Variants in PARPBP observed in about 807,000 individuals in gnomAD.
PARPBP encodes the protein PARP1 binding protein, also known as PCNA-interacting partner.
In PARPBP, 52 loss-of-function variants were observed where a neutral mutation model predicts 50.0. The ratio of observed to expected loss-of-function variants is 1.04; its 90% CI spans 0.83 to 1.31. PARPBP has a LOEUF of 1.31. Among genes scored for constraint, PARPBP ranks in the 50% most tolerant of loss-of-function variants. The pLI, the probability that PARPBP is intolerant of heterozygous loss-of-function variation, is 0.00. For synonymous variants in PARPBP, 244 were observed against 232.1 expected (o/e 1.05, Z -0.47); for missense variants, 697 against 672.0 (o/e 1.04, Z -0.41).
At chr12:102,178,150 A>G (rs886654520) in intron 7 of PARPBP, among the ~76,000 whole-genome samples, 2 of 152,348 alleles carry the variant, frequency 1.3e-5, no homozygotes, top group Admixed American at 1.3e-4. Context: ...ATCAATGATT[A>G]TTGAATGAAT....
At chr12:102,170,971 A>T (rs1888656829) in intron 6 of PARPBP, among the ~76,000 whole-genome samples, 1 of 137,722 alleles carries the variant, frequency 7.3e-6, no homozygotes, top group South Asian at 2.2e-4. Context: ...CATAAACATT[A>T]GCCTAGGTCT....
chr12:102,154,071 A>AT (rs1013757350), intron 4 of PARPBP, 95 bp downstream of exon 4: 19 of 716,898 alleles, frequency 2.7e-5, no homozygotes, highest in Admixed American at 4.9e-5. Context: ...CTTTGTAAAA[A>AT]TTTTTTTAAC....
Position 102,196,538 on chromosome 12 carries a change from T to G in PARPBP, c.*247T>G. 2 of 849,650 alleles carry G rather than the reference T, an allele frequency of 2.4e-6. No individual in the cohort carries two copies. Among genetic ancestry groups the G allele is most frequent in the Non-Finnish European group, 4.0e-6 (2 of 497,202 alleles). The allele number at this position is 849,650 out of a possible 1,614,324, so 52.6% of individuals were successfully genotyped here. The stretch of plus-strand genomic sequence containing the variant: ...ACTGATACATCTTAACACTACTTTC[T>G]TTTAAAACAGACATTTAACATACAC... On this transcript the variant is annotated 3_prime_UTR_variant, in exon 11 of 11. Coordinates refer to ENST00000327680, the MANE Select transcript of PARPBP (RefSeq NM_017915.5).
chr12:102,197,418 G>T lies in PARPBP; in HGVS notation c.*1127G>T. On this transcript the variant is annotated 3_prime_UTR_variant, in exon 11 of 11. Coordinates refer to ENST00000327680, the MANE Select transcript of PARPBP (RefSeq NM_017915.5). ...GTCCTAATGCATATTGTGACTGTTT[G>T]CATATACTTCTGTTTATAAAAGTAT... The T allele has an allele frequency of 1.9e-6, 2 of 1,070,594 alleles. No homozygotes were observed. The highest frequency in any genetic ancestry group is 2.7e-6 in the Non-Finnish European group (2 of 740,616). The allele number at this position is 1,070,594 out of a possible 1,614,324, so 66.3% of individuals were successfully genotyped here.
chr12:102,123,747 T>C lies in PARPBP; in HGVS notation c.-3-139T>C, dbSNP rs780675988. 26 of 502,732 alleles carry C rather than the reference T, an allele frequency of 5.2e-5. No homozygotes were observed. The Admixed American group carries it at 5.9e-4, about 12-fold the overall frequency. 31.1% of individuals were successfully genotyped at this position (502,732 alleles called of 1,614,324 possible). On this transcript the variant is annotated intron_variant, in intron 1 of 10. Coordinates refer to ENST00000327680, the MANE Select transcript of PARPBP (RefSeq NM_017915.5). ...TATTATTTTGTTTTCCTAAATTTAA[T>C]TAAAAGCAATCTTGGTAAATATGAA...
chr12:102,175,535 C>G lies in PARPBP; in HGVS notation c.874C>G (p.Gln292Glu), dbSNP rs1565894844. 3 of 1,613,256 alleles carry G rather than the reference C, an allele frequency of 1.9e-6. No homozygotes were observed. The South Asian group carries it at 3.3e-5, about 18-fold the overall frequency. The part of the protein sequence containing the change: ...SVIKMQLIKG[Q>E]NSRDPFCKAI... The stretch of plus-strand genomic sequence containing the variant: ...GATAAAGATGCAACTGATTAAAGGC[C>G]AAAACAGCAGGGATCCTTTTTGCAA... The change falls in exon 7 of 11, where the codon CAA becomes GAA. Residue 292 changes from glutamine to glutamate, a missense_variant. Gln to Glu is a conservative substitution (Grantham distance 29). Coordinates refer to ENST00000327680, the MANE Select transcript of PARPBP (RefSeq NM_017915.5).
At chr12:102,188,051 T>C (rs947060290) in intron 9 of PARPBP, among the ~76,000 whole-genome samples, 1 of 152,098 alleles carries the variant, frequency 6.6e-6, no homozygotes, top group Non-Finnish European at 1.5e-5. Context: ...AGGAACTCTA[T>C]TGAGGAACAG....
At chr12:102,176,548 TTAAA>T (rs1889302275) in intron 7 of PARPBP, among the ~76,000 whole-genome samples, 1 of 152,288 alleles carries the variant, frequency 6.6e-6, no homozygotes, top group Admixed American at 6.5e-5. Flanking sequence ...ACAGAGATAA[TTAAA>T]TAGAGTAGAT....
At position 102,196,446 on chromosome 12, in the gene PARPBP, T is replaced by C; in HGVS notation, c.*155T>C. 2 of 711,388 alleles carry C rather than the reference T, an allele frequency of 2.8e-6. No individual in the cohort carries two copies. Among genetic ancestry groups the C allele is most frequent in the East Asian group, 2.6e-5 (1 of 38,588 alleles). The allele number at this position is 711,388 out of a possible 1,614,324, so 44.1% of individuals were successfully genotyped here. A position where few individuals can be genotyped will look rare whatever the true frequency, so the allele number is the denominator to read the frequency against. On this transcript the variant is annotated 3_prime_UTR_variant, in exon 11 of 11. Coordinates refer to ENST00000327680, the MANE Select transcript of PARPBP (RefSeq NM_017915.5). ...TATGTTAAGCATTGTTTAAAAATAC[T>C]AGTAAGTCATAATTATGCAGAATTT...
intron 6 of PARPBP, among the ~76,000 whole-genome samples, chr12:102,171,835 G>C (rs1175690761): frequency 5.3e-5 from 8 of 150,510 alleles, no homozygotes; most frequent in South Asian, 2.1e-4. Context: ...CGCCACTGCT[G>C]TCCAGCCTGG....
intron 4 of PARPBP, among the ~76,000 whole-genome samples, chr12:102,161,177 C>T (rs1384779307): frequency 6.6e-6 from 1 of 151,030 alleles, no homozygotes; most frequent in Non-Finnish European, 1.5e-5. Context: ...ATTATCTTGG[C>T]TCACTGCAAT....
intron 2 of PARPBP, among the ~76,000 whole-genome samples, chr12:102,142,519 T>C (rs186876968): frequency 3.4e-4 from 52 of 152,350 alleles, no homozygotes; most frequent in African/African-American, 1.0e-3. Context: ...TGTCCAGCTT[T>C]GTTCCATTGC....
chr12:102,170,905 CT>C (rs56390964), intron 6 of PARPBP, among the ~76,000 whole-genome samples: 24,321 of 113,238 alleles, frequency 0.21, 967 homozygotes, highest in East Asian at 0.38. Context: ...TTTAATTTTT[CT>C]TTTTTTTTTT....
chr12:102,147,260 T>G (rs1885498193), intron 2 of PARPBP, among the ~76,000 whole-genome samples: 1 of 152,294 alleles, frequency 6.6e-6, no homozygotes, highest in East Asian at 1.9e-4. Flanking sequence ...TAAAGACACA[T>G]GCACACATAT....
chr12:102,161,425 T>C (rs966298911), intron 4 of PARPBP, among the ~76,000 whole-genome samples: 1 of 152,140 alleles, frequency 6.6e-6, no homozygotes, highest in African/African-American at 2.4e-5. Context: ...TTTTTCTTAA[T>C]AGATTTTTAA....
chr12:102,135,536 C>CAAAAA (rs34890863), intron 2 of PARPBP, among the ~76,000 whole-genome samples: 2 of 50,552 alleles, frequency 4.0e-5, no homozygotes, highest in Admixed American at 2.1e-4. Context: ...ACTCCGTCTC[C>CAAAAA]AAAAAAAAAA....
intron 2 of PARPBP, among the ~76,000 whole-genome samples, chr12:102,126,408 C>T (rs1882005164): frequency 6.6e-6 from 1 of 152,132 alleles, no homozygotes; most frequent in South Asian, 2.1e-4. Flanking sequence ...CTATTTTCTA[C>T]TGTAGTTTTA....
At chr12:102,153,070 AC>A (rs1467070078) in intron 3 of PARPBP, among the ~76,000 whole-genome samples, 3 of 152,164 alleles carry the variant, frequency 2.0e-5, no homozygotes, top group Non-Finnish European at 4.4e-5. Context: ...AGCAGATAGC[AC>A]CGTTATTGTA....
chr12:102,180,781 A>T (rs2093697627), intron 8 of PARPBP, among the ~76,000 whole-genome samples: 1 of 152,218 alleles, frequency 6.6e-6, no homozygotes, highest in South Asian at 2.1e-4. Context: ...TGGATTCTGC[A>T]TTCGCATTTC....
Sources: allele counts gnomAD v4.1 joint callset (sites outside exome capture counted in the v4.1 genomes callset), GRCh38; gene constraint gnomAD v4.1.1; transcripts MANE v1.5; gene names NCBI Gene and HGNC (gene_info 2026-07-23, HGNC 2026-07-21).